Variants in ERMAP observed in about 807,000 individuals in gnomAD.
ERMAP encodes the protein erythroblast membrane associated protein (Scianna blood group).
ERMAP carries 34 observed loss-of-function variants against 49.5 expected under a neutral mutation model. That is an observed-to-expected ratio of 0.69 (90% CI 0.52 to 0.91). The LOEUF (loss-of-function observed/expected upper bound fraction) is 0.91, where lower values mean the gene tolerates loss of function less well. ERMAP is among the 40% of genes least tolerant of loss of function. ERMAP has a pLI of 0.00. For missense variants in ERMAP, 541 were observed against 582.6 expected (o/e 0.93, Z 0.74); for synonymous variants, 214 against 232.2 (o/e 0.92, Z 0.71).
Position 42,830,772 on chromosome 1 carries a change from C to A in ERMAP, c.90C>A (p.His30Gln), listed in dbSNP as rs756915487. The A allele has an allele frequency of 6.5e-7, 1 of 1,539,296 alleles. No homozygotes were observed. Among genetic ancestry groups the A allele is most frequent in the South Asian group, 1.2e-5 (1 of 83,508 alleles). Reference protein sequence around the residue: ...FLRLSVHVSGHAGDAGKFHVA... With the variant: ...FLRLSVHVSGQAGDAGKFHVA... ...CTTGTCTCTTTTTTTGTCCAGGCCA[C>A]GCAGGGGATGCCGGCAAGTTCCACG... The change falls in exon 4 of 12, where the codon CAC (histidine) becomes CAA (glutamine). Residue 30 changes from histidine (H) to glutamine (Q), a missense_variant. Physicochemically the swap from His to Gln is conservative, Grantham distance 24 (BLOSUM62 0). Coordinates refer to ENST00000372517, the MANE Select transcript of ERMAP (RefSeq NM_001017922.2).
intron 1 of ERMAP, chr1:42,817,870 T>G (rs1222794972): frequency 1.3e-5 from 2 of 152,254 alleles, no homozygotes; most frequent in African/African-American, 4.8e-5. Flanking sequence ...ACATTTGGGC[T>G]TACTATATTC....
In ERMAP at chr1:42,835,713, ATT is replaced by A. The variant is rs774598319; in HGVS notation, c.551-17_551-16del. Reference sequence around the variant, plus strand: ...AAAGCCCTTCCTAAGCTGAGCTGGCATTTCTCTCTCCCTTTTAGAAAAGCTTC... The same window carrying A: ...AAAGCCCTTCCTAAGCTGAGCTGGCATCTCTCTCCCTTTTAGAAAAGCTTC... On this transcript the variant is annotated splice_polypyrimidine_tract_variant and intron_variant, in intron 5 of 11. Transcript: ENST00000372517. 1 of 1,611,714 alleles carries A rather than the reference ATT, an allele frequency of 6.2e-7. No individual in the cohort carries two copies. The highest frequency in any genetic ancestry group is 1.1e-5 in the South Asian group (1 of 90,282).
In ERMAP at chr1:42,819,960, T is replaced by C. The variant is rs1654363615; in HGVS notation, c.-122+2707T>C. ...GTTTTTCCATTCTTGGTTTATTCTC[T>C]CATTTTGGAGGAGTATGTTCTCCAC... On this transcript the variant is annotated intron_variant, in intron 1 of 11. Coordinates refer to ENST00000372517, the MANE Select transcript of ERMAP (RefSeq NM_001017922.2). The surrounding 1 kb of genome is among the most constrained non-coding windows in gnomAD (Gnocchi z 5.1). Among the ~76,000 whole-genome samples, 1 of 152,216 alleles carries C rather than the reference T, an allele frequency of 6.6e-6. No homozygotes were observed. The highest frequency in any genetic ancestry group is 2.4e-5 in the African/African-American group (1 of 41,446).
At position 42,832,983 on chromosome 1, in the gene ERMAP, C is replaced by A. The variant is rs34980577; in HGVS notation, c.433+1868C>A. Among the ~76,000 whole-genome samples the A allele has an allele frequency of 5.1e-3, 778 of 152,344 alleles. 10 individuals carry two copies. Among genetic ancestry groups the A allele is most frequent in the African/African-American group, 0.018 (755 of 41,588 alleles). ...AGAGAACCTCAAGGCAGGGTACTTC[C>A]ATCCCTGTCAGAGGCCCACTCTCTG... On this transcript the variant is annotated intron_variant, in intron 4 of 11. Coordinates refer to ENST00000372517, the MANE Select transcript of ERMAP (RefSeq NM_001017922.2).
At position 42,835,031 on chromosome 1, in the gene ERMAP, GT is replaced by G; in HGVS notation, c.434-4del. 1 of 1,211,072 alleles carries G rather than the reference GT, an allele frequency of 8.3e-7. No homozygotes were observed. Among genetic ancestry groups the G allele is most frequent in the Non-Finnish European group, 1.2e-6 (1 of 811,850 alleles). 75.0% of individuals were successfully genotyped at this position (1,211,072 alleles called of 1,614,324 possible). ...CTGAGGTCAGTCGTTGGTGGTTTCTGTTTCAGCCCCATCTGTGGGGAGTCTC... is the reference window on the plus strand; with the variant it reads ...CTGAGGTCAGTCGTTGGTGGTTTCTGTTCAGCCCCATCTGTGGGGAGTCTC... On this transcript the variant is annotated splice_region_variant and splice_polypyrimidine_tract_variant and intron_variant, in intron 4 of 11. Coordinates refer to ENST00000372517, the MANE Select transcript of ERMAP (RefSeq NM_001017922.2).
chr1:42,834,893 G>A (rs1019809316), intron 4 of ERMAP, 145 bp from the exon 5 acceptor site: 3 of 659,214 alleles, frequency 4.6e-6, no homozygotes, highest in Non-Finnish European at 8.3e-6. Context: ...TGAGTTATCA[G>A]AGAAGCAAAG....
Position 42,830,523 on chromosome 1 carries a change from G to C in ERMAP, c.75G>C (p.Val25=). ...CTCTCGTCTTCCTCCGGCTGTCTGT[G>C]CATGTGTCAGGTAGGAGTTTCTGAT... The part of the protein sequence containing the change: ...LIPLVFLRLS[V]HVSGHAGDAG... The change falls in exon 3 of 12, where the codon GTG becomes GTC. Residue 25 remains valine (V), a synonymous_variant. Coordinates refer to ENST00000372517, the MANE Select transcript of ERMAP (RefSeq NM_001017922.2). 1 of 1,614,076 alleles carries C rather than the reference G, an allele frequency of 6.2e-7. No individual in the cohort carries two copies. Among genetic ancestry groups the C allele is most frequent in the South Asian group, 1.1e-5 (1 of 91,070 alleles).
chr1:42,842,951 T>C lies in ERMAP; in HGVS notation c.1147T>C (p.Phe383Leu). Reference protein sequence around the residue: ...NVTNKSHIFTFTHNFSGPLRP... With the variant: ...NVTNKSHIFTLTHNFSGPLRP... ...GACCAACAAGTCCCACATCTTTACT[T>C]TCACCCACAATTTCTCTGGCCCCCT... The change falls in exon 12 of 12, where the codon TTC becomes CTC. Residue 383 changes from phenylalanine (F) to leucine (L), a missense_variant. Phe to Leu is a conservative substitution (Grantham distance 22, BLOSUM62 0). Transcript: ENST00000372517. The C allele has an allele frequency of 6.2e-7, 1 of 1,614,206 alleles. No individual in the cohort carries two copies. Among genetic ancestry groups the C allele is most frequent in the African/African-American group, 1.3e-5 (1 of 75,044 alleles).
At chr1:42,829,119 CA>C (rs1401735819) in intron 2 of ERMAP, among the ~76,000 whole-genome samples, 1 of 152,086 alleles carries the variant, frequency 6.6e-6, no homozygotes, top group Admixed American at 6.5e-5. Context: ...GGGACAGTCA[CA>C]AAAAAATGTG....
chr1:42,836,930 C>G (rs1334334414), intron 6 of ERMAP: 2 of 370,378 alleles, frequency 5.4e-6, no homozygotes, highest in Non-Finnish European at 9.8e-6. Flanking sequence ...CTAAACAATT[C>G]TCTCAGGCTG....
chr1:42,843,269 C>T lies in ERMAP; in HGVS notation c.*37C>T. On this transcript the variant is annotated 3_prime_UTR_variant, in exon 12 of 12. Coordinates refer to ENST00000372517, the MANE Select transcript of ERMAP (RefSeq NM_001017922.2). The stretch of plus-strand genomic sequence containing the variant: ...ATTACCTGCTCCCATCACCATCCAG[C>T]CCAGCACCCTGGACTTCAGTCGCCT... 2 of 1,473,970 alleles carry T rather than the reference C, an allele frequency of 1.4e-6. No individual in the cohort carries two copies. The highest frequency in any genetic ancestry group is 1.8e-6 in the Non-Finnish European group (2 of 1,095,280). The allele number at this position is 1,473,970 out of a possible 1,614,324, so 91.3% of individuals were successfully genotyped here.
intron 1 of ERMAP, among the ~76,000 whole-genome samples, chr1:42,821,788 A>T (rs1346895455): frequency 6.6e-6 from 1 of 152,130 alleles, no homozygotes; most frequent in Non-Finnish European, 1.5e-5. Flanking sequence ...AGGTGCGAGG[A>T]TCACTTTAGG....
chr1:42,838,906 C>T lies in ERMAP; in HGVS notation c.622C>T (p.Leu208Phe), dbSNP rs765493600. The T allele has an allele frequency of 2.5e-6, 4 of 1,614,052 alleles. No individual in the cohort carries two copies. The Admixed American group carries it at 5.0e-5, about 20-fold the overall frequency. ...TCTCTCTTTCTGGTTTTTAGGAAAA[C>T]TCCATAAAGCTGTCAGTAAGTTTTG... ...LSDHAKEKGK[L>F]HKAVKKLRSE... Residue 208 changes from leucine to phenylalanine, a missense_variant, in exon 8 of 12, where the codon CTC (leucine) becomes TTC (phenylalanine). Physicochemically the swap from Leu to Phe is conservative, Grantham distance 22. Transcript: ENST00000372517.
intron 1 of ERMAP, among the ~76,000 whole-genome samples, chr1:42,820,381 C>T (rs1654375484): frequency 7.6e-6 from 1 of 131,448 alleles, no homozygotes; most frequent in Non-Finnish European, 1.6e-5. Flanking sequence ...ATCAGTTTCT[C>T]TTTTTTTTTT....
Position 42,830,519 on chromosome 1 carries a change from C to T in ERMAP, c.71C>T (p.Ser24Phe). ...CLIPLVFLRLSVHVSGHAGDA... is the reference protein window; with the variant it reads ...CLIPLVFLRLFVHVSGHAGDA... The stretch of plus-strand genomic sequence containing the variant: ...ATCCCTCTCGTCTTCCTCCGGCTGT[C>T]TGTGCATGTGTCAGGTAGGAGTTTC... Residue 24 changes from serine to phenylalanine, a missense_variant, in exon 3 of 12, where the codon TCT becomes TTT. By Grantham distance (155) the Ser-to-Phe change is radical. Transcript: ENST00000372517. The T allele has an allele frequency of 1.2e-6, 2 of 1,614,122 alleles. No homozygotes were observed.
intron 4 of ERMAP, among the ~76,000 whole-genome samples, chr1:42,834,098 G>T (rs923165151): frequency 1.3e-5 from 2 of 152,206 alleles, no homozygotes; most frequent in African/African-American, 4.8e-5. Context: ...GCTGGGAGGT[G>T]CTCAGTCTCC....
Position 42,817,131 on chromosome 1 carries a change from C to G in ERMAP, c.-244C>G. 1 of 1,187,872 alleles carries G rather than the reference C, an allele frequency of 8.4e-7. No homozygotes were observed. The allele number at this position is 1,187,872 out of a possible 1,614,324, so 73.6% of individuals were successfully genotyped here. On this transcript the variant is annotated 5_prime_UTR_variant, in exon 1 of 12. Transcript: ENST00000372517. ...GCCCCCGCCTCCTGCCCTCTTCCCT[C>G]TCCTGGAGGAAAATGGCGGTCGCTG...
intron 2 of ERMAP, among the ~76,000 whole-genome samples, chr1:42,828,466 C>G (rs1178266497): frequency 1.3e-5 from 2 of 150,910 alleles, no homozygotes; most frequent in Non-Finnish European, 1.5e-5. Flanking sequence ...TGAACCCAGG[C>G]TGACTCTAGA....
chr1:42,818,855 T>C (rs1284114404), intron 1 of ERMAP, among the ~76,000 whole-genome samples: 1 of 152,204 alleles, frequency 6.6e-6, no homozygotes, highest in Non-Finnish European at 1.5e-5. Flanking sequence ...CCTATACAAA[T>C]GCTGATTCGA....
Sources: allele counts gnomAD v4.1 joint callset (sites outside exome capture counted in the v4.1 genomes callset), GRCh38; gene constraint gnomAD v4.1.1; non-coding constraint Gnocchi (gnomAD v3.1); transcripts MANE v1.5; gene names NCBI Gene and HGNC (gene_info 2026-07-23, HGNC 2026-07-21).